Variants in IL4R observed in about 807,000 individuals in gnomAD.
IL4R encodes interleukin-4 receptor subunit alpha.
IL4R carries 17 observed loss-of-function variants against 41.5 expected under a neutral mutation model. That is an observed-to-expected ratio of 0.41 (90% CI 0.28 to 0.61). The LOEUF is 0.61. IL4R is among the 20% of genes least tolerant of loss of function. IL4R has a pLI of 0.31. For synonymous variants in IL4R, 402 were observed against 422.9 expected (o/e 0.95, Z 0.61); for missense variants, 974 against 1,043.1 (o/e 0.93, Z 0.91).
upstream of IL4R, chr16:27,313,785 C>G (rs1596725387): frequency 4.8e-6 from 2 of 416,558 alleles, no homozygotes; most frequent in African/African-American, 4.3e-5. Flanking sequence ...GACTGTCCGG[C>G]GGCGGCGGCG....
chr16:27,359,040 G>A (rs372103470), intron 9 of IL4R, 46 bp downstream of exon 9: 2 of 1,456,654 alleles, frequency 1.4e-6, no homozygotes, highest in African/African-American at 2.8e-5. Flanking sequence ...TGTACATGAA[G>A]AAGTGTGGTT....
intron 1 of IL4R, among the ~76,000 whole-genome samples, chr16:27,328,205 C>CAAAAAAAAAAAAAAAA (rs779355998): frequency 2.3e-4 from 16 of 70,496 alleles, no homozygotes; most frequent in South Asian, 6.1e-4. Flanking sequence ...GGCTCCATCT[C>CAAAAAAAAAAAAAAAA]AAAAAAAAAA....
rs1776903603 is a variant in IL4R, at chr16:27,330,139, A to G, written c.-78A>G. ...CGTGGTGGCTCATGCCTATAATCCC[A>G]GCACTTTTGGAGGCTGAGGCGGGCA... On this transcript the variant is annotated 5_prime_UTR_variant, in exon 2 of 11. Coordinates refer to ENST00000395762, the MANE Select transcript of IL4R (RefSeq NM_000418.4). The G allele has an allele frequency of 6.6e-6, 1 of 152,134 alleles. No individual in the cohort carries two copies. The highest frequency in any genetic ancestry group is 2.1e-4 in the South Asian group (1 of 4,826). 9.4% of individuals were successfully genotyped at this position (152,134 alleles called of 1,614,324 possible). A position where few individuals can be genotyped will look rare whatever the true frequency, so the allele number is the denominator to read the frequency against.
intron 8 of IL4R, among the ~76,000 whole-genome samples, 177 bp downstream of exon 8, chr16:27,356,084 CTTTTTTTTT>C (rs36125482): frequency 8.8e-5 from 10 of 113,732 alleles, no homozygotes; most frequent in Non-Finnish European, 1.3e-4. Context: ...CCACTTTTTT[CTTTTTTTTT>C]TTTTTTTTTT....
Position 27,360,768 on chromosome 16 carries a change from G to A in IL4R, c.852G>A (p.Gly284=). 1 of 1,614,144 alleles carries A rather than the reference G, an allele frequency of 6.2e-7. No individual in the cohort carries two copies. Among genetic ancestry groups the A allele is most frequent in the African/African-American group, 1.3e-5 (1 of 75,044 alleles). ...CATTGGCTGTCTCTGTATTTTAGGG[G>A]TCACAGTGGGAGAAGCGGTCCCGAG... ...LVAIIIQDAQ[G]SQWEKRSRGQ... is the part of the protein sequence containing the mutation. Residue 284 remains glycine, a splice_region_variant and synonymous_variant, in exon 10 of 11, where the codon GGG becomes GGA. Coordinates refer to ENST00000395762, the MANE Select transcript of IL4R (RefSeq NM_000418.4).
Position 27,363,277 on chromosome 16 carries a change from C to T in IL4R, c.1925C>T (p.Pro642Leu). 3 of 1,603,108 alleles carry T rather than the reference C, an allele frequency of 1.9e-6. No individual in the cohort carries two copies. The highest frequency in any genetic ancestry group is 2.6e-6 in the Non-Finnish European group (3 of 1,173,804). ...KPFQDLIPGC[P>L]GDPAPVPVPL... ...TTCCAAGACCTCATTCCTGGCTGCC[C>T]TGGGGACCCTGCCCCAGTCCCTGTC... The change falls in exon 11 of 11, where the codon CCT becomes CTT. Residue 642 changes from proline (P) to leucine (L), a missense_variant. By Grantham distance (98) the Pro-to-Leu change is moderately conservative. Transcript: ENST00000395762.
At chr16:27,313,912 T>G (rs1364108899), upstream of IL4R, 6 of 982,944 alleles carry the variant, frequency 6.1e-6, no homozygotes, top group Non-Finnish European at 7.2e-6. Flanking sequence ...GCGGGCTGGG[T>G]CTCCGCGCCC....
At chr16:27,313,917 G>T, upstream of IL4R, 9 of 984,698 alleles carry the variant, frequency 9.1e-6, no homozygotes, top group Non-Finnish European at 1.1e-5. Context: ...CTGGGTCTCC[G>T]CGCCCAGGAA....
chr16:27,342,332 C>T (rs1030206945), intron 4 of IL4R, 73 bp downstream of exon 4: 5 of 1,578,650 alleles, frequency 3.2e-6, no homozygotes, highest in Admixed American at 3.4e-5. Flanking sequence ...GAGCTGGGTC[C>T]AGGTGGTGCG....
At chr16:27,313,827 AC>A, upstream of IL4R, 1 of 772,184 alleles carries the variant, frequency 1.3e-6, no homozygotes, top group Non-Finnish European at 1.6e-6. Flanking sequence ...GGTGGCCGGG[AC>A]CCGGGCCGGG....
At position 27,363,797 on chromosome 16, in the gene IL4R, C is replaced by T; in HGVS notation, c.2445C>T (p.Val815=). ...AGACCCCCAAAATCGTGAACTTTGTCTCCGTGGGACCCACATACATGAGGG... is the reference window on the plus strand; with the variant it reads ...AGACCCCCAAAATCGTGAACTTTGTTTCCGTGGGACCCACATACATGAGGG... ...SSQTPKIVNF[V]SVGPTYMRVS The change falls in exon 11 of 11, where the codon GTC becomes GTT. Residue 815 remains valine (V), a synonymous_variant. Transcript: ENST00000395762. 1 of 1,607,176 alleles carries T rather than the reference C, an allele frequency of 6.2e-7. No homozygotes were observed. Among genetic ancestry groups the T allele is most frequent in the Non-Finnish European group, 8.5e-7 (1 of 1,179,946 alleles).
At chr16:27,318,008 T>G (rs917778333) in intron 1 of IL4R, among the ~76,000 whole-genome samples, 2 of 152,210 alleles carry the variant, frequency 1.3e-5, no homozygotes, top group Admixed American at 1.3e-4. Flanking sequence ...GGGGTTTAGA[T>G]TCTAGTTGAG....
At chr16:27,331,830 C>CT (rs547587058) in intron 2 of IL4R, among the ~76,000 whole-genome samples, 156 of 152,154 alleles carry the variant, frequency 1.0e-3, no homozygotes, top group African/African-American at 3.5e-3. Flanking sequence ...ACAGATTTCT[C>CT]TATTTCTCCT....
chr16:27,328,030 T>G (rs1445969261), intron 1 of IL4R, among the ~76,000 whole-genome samples: 2 of 151,688 alleles, frequency 1.3e-5, no homozygotes, highest in Non-Finnish European at 2.9e-5. Context: ...GCCAACATGG[T>G]GAAATCCCGT....
intron 1 of IL4R, among the ~76,000 whole-genome samples, chr16:27,319,571 C>T (rs1185842764): frequency 3.3e-5 from 5 of 152,158 alleles, no homozygotes; most frequent in African/African-American, 9.7e-5. Flanking sequence ...ATGTGGGCAG[C>T]GCAGGACTGG....
intron 2 of IL4R, among the ~76,000 whole-genome samples, chr16:27,335,390 T>G (rs552502246): frequency 3.3e-5 from 5 of 152,102 alleles, no homozygotes; most frequent in African/African-American, 9.7e-5. Context: ...TTATTAGAGA[T>G]GAAGTCTGAC....
intron 2 of IL4R, 98 bp from the exon 3 acceptor site, chr16:27,340,088 C>A: frequency 1.3e-6 from 1 of 757,982 alleles, no homozygotes; most frequent in South Asian, 1.6e-5. Context: ...AACAAACAAA[C>A]AAATAAATGG....
chr16:27,357,674 G>C (rs1031402478), intron 8 of IL4R, among the ~76,000 whole-genome samples: 3 of 152,000 alleles, frequency 2.0e-5, no homozygotes, highest in African/African-American at 7.2e-5. Flanking sequence ...ATGTTGGCCA[G>C]GATGGTCTTG....
intron 1 of IL4R, among the ~76,000 whole-genome samples, chr16:27,320,051 G>C (rs2084766386): frequency 6.6e-6 from 1 of 152,100 alleles, no homozygotes; most frequent in African/African-American, 2.4e-5. Flanking sequence ...ATTTTTAGTA[G>C]AGACAGGGTT....
Sources: allele counts gnomAD v4.1 joint callset (sites outside exome capture counted in the v4.1 genomes callset), GRCh38; gene constraint gnomAD v4.1.1; transcripts MANE v1.5; gene names NCBI Gene and HGNC (gene_info 2026-07-23, HGNC 2026-07-21).